Variants in MRPS27 observed in about 807,000 individuals in gnomAD.
MRPS27 encodes the protein mitochondrial ribosomal protein S27.
A neutral mutation model predicts 48.9 loss-of-function variants in MRPS27; 43 were observed. That is an observed-to-expected ratio of 0.88 (90% CI 0.69 to 1.13). The LOEUF (loss-of-function observed/expected upper bound fraction) is 1.13, where lower values mean the gene tolerates loss of function less well. MRPS27 is among the 50% of genes most tolerant of loss of function. MRPS27 has a pLI of 0.00. For missense variants in MRPS27, 467 were observed against 476.3 expected, an observed-to-expected ratio of 0.98 and a Z score of 0.18; for synonymous variants, 188 against 171.9, an observed-to-expected ratio of 1.09 and a Z score of -0.73.
chr5:72,220,492 A>T lies in MRPS27; in HGVS notation c.*417T>A, dbSNP rs1747711326. 2 of 160,846 alleles carry T rather than the reference A, an allele frequency of 1.2e-5. No individual in the cohort carries two copies. Among genetic ancestry groups the T allele is most frequent in the African/African-American group, 2.4e-5 (1 of 41,632 alleles). The allele number at this position is 160,846 out of a possible 1,614,324, so 10.0% of individuals were successfully genotyped here. A position where few individuals can be genotyped will look rare whatever the true frequency, so the allele number is the denominator to read the frequency against. On this transcript the variant is annotated 3_prime_UTR_variant, in exon 11 of 11. Transcript: ENST00000261413. ...AGCCAAGATTGCGCCACTGCACTCC[A>T]GCCTGGGTGACAGAATGAGACTCTG...
At chr5:72,235,080 G>A in intron 5 of MRPS27, among the ~76,000 whole-genome samples, 1 of 152,122 alleles carries the variant, frequency 6.6e-6, no homozygotes, top group East Asian at 1.9e-4. Context: ...TCACCACTGA[G>A]CTGACTCACT....
At chr5:72,304,807 G>A (rs996645330) in intron 2 of MRPS27, among the ~76,000 whole-genome samples, 1 of 152,140 alleles carries the variant, frequency 6.6e-6, no homozygotes, top group Non-Finnish European at 1.5e-5. Context: ...GTGAGAAATG[G>A]TTTCAGTTTT....
chr5:72,239,243 G>A (rs901282776), intron 4 of MRPS27, among the ~76,000 whole-genome samples: 1 of 152,144 alleles, frequency 6.6e-6, no homozygotes, highest in Non-Finnish European at 1.5e-5. Context: ...TCTGCCTCCT[G>A]CTATTTCTTG....
At chr5:72,226,605 T>C (rs1469930090) in intron 8 of MRPS27, among the ~76,000 whole-genome samples, 4 of 152,172 alleles carry the variant, frequency 2.6e-5, no homozygotes, top group Non-Finnish European at 5.9e-5. Flanking sequence ...TCTCACAGCT[T>C]TCCCACTGTG....
At chr5:72,251,733 T>A (rs911316476) in intron 4 of MRPS27, among the ~76,000 whole-genome samples, 1 of 152,204 alleles carries the variant, frequency 6.6e-6, no homozygotes, top group East Asian at 1.9e-4. Context: ...CTTGGATCTG[T>A]GGTTGGGGCA....
At chr5:72,262,151 G>A (rs1401387990) in intron 4 of MRPS27, among the ~76,000 whole-genome samples, 1 of 152,058 alleles carries the variant, frequency 6.6e-6, no homozygotes. Context: ...TAACTCTCTG[G>A]CGAGCTATTT....
intron 7 of MRPS27, among the ~76,000 whole-genome samples, chr5:72,230,814 C>T (rs1661230518): frequency 6.6e-6 from 1 of 152,148 alleles, no homozygotes; most frequent in Admixed American, 6.5e-5. Context: ...CATGGAACAC[C>T]TTGCATCCAG....
Position 72,226,133 on chromosome 5 carries a change from C to G in MRPS27, c.761G>C (p.Gly254Ala). Reference protein sequence around the residue: ...YHNMPLIWKPGYLDRALQVME... With the variant: ...YHNMPLIWKPAYLDRALQVME... ...CACTTGAAGGGCTCTGTCAAGGTAG[C>G]CTGGTTTCCATATCAGAGGCATGTT... The change falls in exon 9 of 11, where the codon GGC becomes GCC. Residue 254 changes from glycine (G) to alanine (A), a missense_variant. Coordinates refer to ENST00000261413, the MANE Select transcript of MRPS27 (RefSeq NM_015084.3). The G allele has an allele frequency of 6.2e-7, 1 of 1,613,804 alleles. No individual in the cohort carries two copies. Among genetic ancestry groups the G allele is most frequent in the Non-Finnish European group, 8.5e-7 (1 of 1,179,818 alleles).
intron 1 of MRPS27, among the ~76,000 whole-genome samples, chr5:72,315,902 G>C (rs544749308): frequency 6.6e-6 from 1 of 152,286 alleles, no homozygotes; most frequent in East Asian, 1.9e-4. Context: ...ATGAAAACTT[G>C]TGTCCACAGA....
At chr5:72,248,701 AT>A (rs1229550877) in intron 4 of MRPS27, among the ~76,000 whole-genome samples, 1 of 91,594 alleles carries the variant, frequency 1.1e-5, no homozygotes, top group Non-Finnish European at 2.4e-5. Context: ...AAAAGCTTTG[AT>A]GTATAATAGT....
Position 72,232,438 on chromosome 5 carries a change from C to T in MRPS27, c.591+5G>A. The T allele has an allele frequency of 1.9e-6, 3 of 1,603,344 alleles. No homozygotes were observed. Among genetic ancestry groups the T allele is most frequent in the Non-Finnish European group, 2.6e-6 (3 of 1,171,514 alleles). ...CTTAATACTGCTTTAGGGAAGATCA[C>T]TTACACTGAAGTCTGTCTTCTTTGC... On this transcript the variant is annotated splice_donor_5th_base_variant and intron_variant, in intron 7 of 10. Coordinates refer to ENST00000261413, the MANE Select transcript of MRPS27 (RefSeq NM_015084.3).
chr5:72,240,836 A>T (rs1258998943), intron 4 of MRPS27, among the ~76,000 whole-genome samples: 4 of 152,232 alleles, frequency 2.6e-5, no homozygotes, highest in Non-Finnish European at 5.9e-5. Context: ...AGAAGCCTAA[A>T]GGGAAAGTTA....
Position 72,320,230 on chromosome 5 carries a change from G to C in MRPS27, c.-9C>G. 1 of 1,613,902 alleles carries C rather than the reference G, an allele frequency of 6.2e-7. No individual in the cohort carries two copies. Among genetic ancestry groups the C allele is most frequent in the Admixed American group, 1.7e-5 (1 of 60,020 alleles). ...ACTATGGAGGCAGCCATCTTGGAGC[G>C]TACCAAAAGGAACAGCCAACGGGTT... On this transcript the variant is annotated 5_prime_UTR_variant, in exon 1 of 11. Transcript: ENST00000261413.
intron 4 of MRPS27, among the ~76,000 whole-genome samples, chr5:72,247,977 A>G (rs1026366282): frequency 6.6e-6 from 1 of 152,214 alleles, no homozygotes; most frequent in African/African-American, 2.4e-5. Flanking sequence ...TTGTGAGTCC[A>G]ATTGGTTTTT....
chr5:72,280,861 T>C (rs1230881888), intron 4 of MRPS27, among the ~76,000 whole-genome samples: 4 of 152,248 alleles, frequency 2.6e-5, no homozygotes, highest in African/African-American at 9.6e-5. Flanking sequence ...TCTTCACAGA[T>C]AGTAAGCAGA....
rs555937691 is a variant in MRPS27, at chr5:72,319,107, CG to C, written c.73+1041del. Reference sequence around the variant, plus strand: ...AGGTAGGTTGGAAAGGGAAGATAAGCGGCAATGGAAAAATCGAGTGTGATTA... The same window carrying C: ...AGGTAGGTTGGAAAGGGAAGATAAGCGCAATGGAAAAATCGAGTGTGATTA... On this transcript the variant is annotated intron_variant, in intron 1 of 10. Coordinates refer to ENST00000261413, the MANE Select transcript of MRPS27 (RefSeq NM_015084.3). Among the ~76,000 whole-genome samples the C allele has an allele frequency of 3.4e-3, 511 of 152,162 alleles. 1 individual carries two copies. The highest frequency in any genetic ancestry group is 0.011 in the African/African-American group (458 of 41,512).
rs544925824 is a variant in MRPS27, at chr5:72,233,107, C to A, written c.476-549G>T. ...AAGAGGACAAAATGCTAAAGGAAACCCTAAATCTCAGGTGTTATTTCAAAG... is the reference window on the plus strand; with the variant it reads ...AAGAGGACAAAATGCTAAAGGAAACACTAAATCTCAGGTGTTATTTCAAAG... On this transcript the variant is annotated intron_variant, in intron 6 of 10. Transcript: ENST00000261413. Among the ~76,000 whole-genome samples the A allele has an allele frequency of 2.6e-5, 4 of 152,134 alleles. No homozygotes were observed. In the East Asian group the frequency reaches 7.7e-4, roughly 29 times the overall value.
rs751083524 is a variant in MRPS27 at position 72,256,477 on chromosome 5, A to G, written c.282-18349T>C. Among the ~76,000 whole-genome samples the G allele has an allele frequency of 3.9e-5, 6 of 152,318 alleles. No individual in the cohort carries two copies. In the South Asian group the frequency reaches 8.3e-4, roughly 21 times the overall value. ...GCACTCTCTTCAAATTATCCATTCA[A>G]CCCTTTCACTTTCATTTATAAACAA... On this transcript the variant is annotated intron_variant, in intron 4 of 10. Coordinates refer to ENST00000261413, the MANE Select transcript of MRPS27 (RefSeq NM_015084.3).
chr5:72,224,839 G>A (rs1237746870), intron 9 of MRPS27, among the ~76,000 whole-genome samples: 4 of 152,128 alleles, frequency 2.6e-5, no homozygotes, highest in African/African-American at 4.8e-5. Flanking sequence ...GACCCACAGA[G>A]GGCCTAATCA....
Sources: allele counts gnomAD v4.1 joint callset (sites outside exome capture counted in the v4.1 genomes callset), GRCh38; gene constraint gnomAD v4.1.1; transcripts MANE v1.5; gene names NCBI Gene and HGNC (gene_info 2026-07-23, HGNC 2026-07-21).